The following CFAP54 variants were observed in gnomAD, a reference collection of about 807,000 sequenced individuals.
The protein encoded by CFAP54 is cilia and flagella associated protein 54, also known as cilia- and flagella-associated protein 54.
In CFAP54, 290 loss-of-function variants were observed where a neutral mutation model predicts 370.4. The ratio of observed to expected loss-of-function variants is 0.78; its 90% CI spans 0.71 to 0.86. The LOEUF (loss-of-function observed/expected upper bound fraction) is 0.86. CFAP54 is among the 40% of genes least tolerant of loss of function. The pLI is 0.00. For synonymous variants in CFAP54, 1,206 were observed against 1,236.5 expected, an observed-to-expected ratio of 0.98 and a Z score of 0.52; for missense variants, 3,399 against 3,528.7, an observed-to-expected ratio of 0.96 and a Z score of 0.93.
At chr12:96,816,888 C>T (rs1304292346) in intron 64 of CFAP54, among the ~76,000 whole-genome samples, 2 of 152,240 alleles carry the variant, frequency 1.3e-5, no homozygotes, top group Non-Finnish European at 2.9e-5. Flanking sequence ...TGAACCTTGT[C>T]TTCAGCATCA....
At chr12:96,530,078 G>A (rs1257972487) in intron 9 of CFAP54, among the ~76,000 whole-genome samples, 1 of 152,184 alleles carries the variant, frequency 6.6e-6, no homozygotes, top group African/African-American at 2.4e-5. Context: ...ATTTATTGAA[G>A]ATAACTTCCT....
chr12:96,684,283 A>C (rs1363536412), intron 40 of CFAP54, among the ~76,000 whole-genome samples: 1 of 152,124 alleles, frequency 6.6e-6, no homozygotes, highest in Non-Finnish European at 1.5e-5. Context: ...CTTCAGACTC[A>C]GTTCACCCTC....
rs1484917294 is a variant in CFAP54, at chr12:96,714,780, T to A, written c.6725-3663T>A. 2.0e-5 allele frequency among the ~76,000 whole-genome samples: 3 copies of A among 148,906 alleles called. No individual in the cohort carries two copies. The Admixed American group carries it at 2.0e-4, about 10-fold the overall frequency. ...CTGCTGAAAGGGACAAAAGAGGGTT[T>A]AAAAAAAAAACTGAAAAAGTAGCAG... On this transcript the variant is annotated intron_variant, in intron 48 of 67. Transcript: ENST00000524981.
At chr12:96,579,165 A>AT (rs533169172) in intron 20 of CFAP54, among the ~76,000 whole-genome samples, 32 of 145,328 alleles carry the variant, frequency 2.2e-4, no homozygotes, top group East Asian at 9.9e-4. Flanking sequence ...TTAGTTTTGC[A>AT]TTTTTTTTTT....
chr12:96,836,114 T>C (rs1959185410), intron 66 of CFAP54, among the ~76,000 whole-genome samples: 1 of 151,794 alleles, frequency 6.6e-6, no homozygotes, highest in African/African-American at 2.4e-5. Flanking sequence ...CAGATCAAGG[T>C]GGAAAAAGAT....
chr12:96,842,161 A>G (rs957915208), intron 66 of CFAP54, among the ~76,000 whole-genome samples: 3 of 152,108 alleles, frequency 2.0e-5, no homozygotes, highest in Non-Finnish European at 4.4e-5. Context: ...TTTTTTTGGT[A>G]AGTATTTGTG....
chr12:96,609,780 G>C (rs1956335467), intron 26 of CFAP54, among the ~76,000 whole-genome samples: 1 of 152,020 alleles, frequency 6.6e-6, no homozygotes, highest in Non-Finnish European at 1.5e-5. Context: ...GTTAGAAATG[G>C]AGAGGGTAAG....
intron 33 of CFAP54, 37 bp from the exon 34 acceptor site, chr12:96,647,838 T>A (rs1205496062): frequency 6.2e-6 from 9 of 1,462,192 alleles, no homozygotes; most frequent in Non-Finnish European, 7.2e-6. Flanking sequence ...CAATTTTGCT[T>A]ATATTGTTTT....
At chr12:96,496,621 C>A (rs987034572) in intron 1 of CFAP54, among the ~76,000 whole-genome samples, 1 of 152,138 alleles carries the variant, frequency 6.6e-6, no homozygotes, top group Non-Finnish European at 1.5e-5. Context: ...TTTCATTTAA[C>A]CTTAATTGCT....
At chr12:96,805,109 A>G (rs1312393864) in intron 63 of CFAP54, among the ~76,000 whole-genome samples, 2 of 152,126 alleles carry the variant, frequency 1.3e-5, no homozygotes, top group African/African-American at 4.8e-5. Flanking sequence ...TTAATGACCT[A>G]AACATAAGAC....
intron 39 of CFAP54, among the ~76,000 whole-genome samples, chr12:96,671,129 C>A (rs531442272): frequency 6.6e-6 from 1 of 152,112 alleles, no homozygotes; most frequent in African/African-American, 2.4e-5. Context: ...CCTGCCACCA[C>A]GCCTGGCTAA....
chr12:96,862,691 TG>T (rs1959907483), intron 67 of CFAP54, among the ~76,000 whole-genome samples: 1 of 152,198 alleles, frequency 6.6e-6, no homozygotes, highest in African/African-American at 2.4e-5. Flanking sequence ...GAAAAATTGT[TG>T]CATGATGTCT....
rs1315125886 is a variant in CFAP54, at chr12:96,875,178, A to ATATC, written c.*77_*80dup. 5 of 152,220 alleles carry ATATC rather than the reference A, an allele frequency of 3.3e-5. No homozygotes were observed. Among genetic ancestry groups the ATATC allele is most frequent in the Non-Finnish European group, 7.3e-5 (5 of 68,038 alleles). 9.4% of individuals were successfully genotyped at this position (152,220 alleles called of 1,614,324 possible). Reference sequence around the variant, plus strand: ...CAACAGACTGAGGAATTTTTCAGCAATATCTGTCAGCCTTTGGAAATTTGG... The same window carrying ATATC: ...CAACAGACTGAGGAATTTTTCAGCAATATCTATCTGTCAGCCTTTGGAAATTTGG... On this transcript the variant is annotated 3_prime_UTR_variant, in exon 68 of 68. Coordinates refer to ENST00000524981, the MANE Select transcript of CFAP54 (RefSeq NM_001306084.2).
intron 1 of CFAP54, among the ~76,000 whole-genome samples, chr12:96,499,573 C>T (rs1955000846): frequency 6.6e-6 from 1 of 152,160 alleles, no homozygotes; most frequent in East Asian, 1.9e-4. Flanking sequence ...CAAAATTAAA[C>T]ATATTCTTAC....
intron 17 of CFAP54, among the ~76,000 whole-genome samples, chr12:96,560,196 G>C (rs1955800765): frequency 6.6e-6 from 1 of 152,036 alleles, no homozygotes; most frequent in South Asian, 2.1e-4. Flanking sequence ...CCACCCTATT[G>C]TCCTGTTGAA....
At chr12:96,750,152 G>C (rs1054938763) in intron 55 of CFAP54, among the ~76,000 whole-genome samples, 6 of 152,174 alleles carry the variant, frequency 3.9e-5, no homozygotes, top group Non-Finnish European at 7.3e-5. Context: ...AGCTCTTTTT[G>C]GATGCTGTCC....
At chr12:96,731,732 A>G (rs560329475) in intron 50 of CFAP54, among the ~76,000 whole-genome samples, 31 of 152,330 alleles carry the variant, frequency 2.0e-4, no homozygotes, top group Middle Eastern at 6.8e-3. Context: ...GGGGAGCTCT[A>G]TAACTCAGGG....
At chr12:96,725,471 T>G (rs1180967185) in intron 50 of CFAP54, among the ~76,000 whole-genome samples, 1 of 152,070 alleles carries the variant, frequency 6.6e-6, no homozygotes, top group Admixed American at 6.5e-5. Context: ...GATTTGGCTC[T>G]CTGTTTGTCT....
chr12:96,580,694 G>A lies in CFAP54; in HGVS notation c.2889+5G>A, dbSNP rs17025569. 0.21 allele frequency: 311,274 copies of A among 1,475,952 alleles called. 33,666 individuals carry two copies. The highest frequency in any genetic ancestry group is 0.25 in the African/African-American group (17,566 of 71,344). The allele number at this position is 1,475,952 out of a possible 1,614,324, so 91.4% of individuals were successfully genotyped here. A position where few individuals can be genotyped will look rare whatever the true frequency, so the allele number is the denominator to read the frequency against. Reference sequence around the variant, plus strand: ...CTCCCAAATTCAGGAGAAGCGGTACGTCAAATTAAACATCAGGAAATCTTA... The same window carrying A: ...CTCCCAAATTCAGGAGAAGCGGTACATCAAATTAAACATCAGGAAATCTTA... On this transcript the variant is annotated splice_donor_5th_base_variant and intron_variant, in intron 21 of 67. Coordinates refer to ENST00000524981, the MANE Select transcript of CFAP54 (RefSeq NM_001306084.2).
Sources: allele counts gnomAD v4.1 joint callset (sites outside exome capture counted in the v4.1 genomes callset), GRCh38; gene constraint gnomAD v4.1.1; transcripts MANE v1.5; gene names NCBI Gene and HGNC (gene_info 2026-07-23, HGNC 2026-07-21).